VTI1A: variants seen among roughly 807,000 people sequenced by gnomAD.
VTI1A encodes vesicle transport through interaction with t-SNAREs homolog 1A.
In VTI1A, 22 loss-of-function variants were observed where a neutral mutation model predicts 34.9. The ratio of observed to expected loss-of-function variants is 0.63; its 90% CI spans 0.45 to 0.90. VTI1A has a LOEUF of 0.90. Among genes scored for constraint, VTI1A ranks in the 40% least tolerant of loss-of-function variants. VTI1A has a pLI of 0.00. For missense variants in VTI1A, 268 were observed against 275.6 expected (o/e 0.97, Z 0.20); for synonymous variants, 87 against 97.3 (o/e 0.89, Z 0.62).
At chr10:112,786,613 T>C (rs1277380366) in intron 7 of VTI1A, among the ~76,000 whole-genome samples, 1 of 152,186 alleles carries the variant, frequency 6.6e-6, no homozygotes, top group Non-Finnish European at 1.5e-5. Flanking sequence ...AAAAGTCTCC[T>C]TTTATTCCAA....
rs746161033 is a variant in VTI1A, at chr10:112,770,400, C to CT, written c.561-44877dup. Among the ~76,000 whole-genome samples the CT allele has an allele frequency of 3.5e-3, 500 of 143,956 alleles. 3 individuals are homozygous for CT. Among genetic ancestry groups the CT allele is most frequent in the Middle Eastern group, 3.6e-3 (1 of 278 alleles). 94.4% of individuals were successfully genotyped at this position (143,956 alleles called of 152,430 possible). On this transcript the variant is annotated intron_variant, in intron 7 of 7. Transcript: ENST00000393077. ...ATTAATTCCAAATGTTTTCTTTTTT[C>CT]TTTTTTTTTTTTTGAGACGGAGTCT...
At chr10:112,704,055 C>A (rs971707213) in intron 7 of VTI1A, among the ~76,000 whole-genome samples, 17 of 152,134 alleles carry the variant, frequency 1.1e-4, no homozygotes, top group Non-Finnish European at 2.1e-4. Context: ...TGTTATATCC[C>A]AGTCTTTTCT....
chr10:112,635,114 T>A (rs2134639638), intron 5 of VTI1A, among the ~76,000 whole-genome samples: 1 of 152,288 alleles, frequency 6.6e-6, no homozygotes, highest in East Asian at 1.9e-4. Context: ...GAGGTGCCTT[T>A]ATTCATAATA....
intron 7 of VTI1A, among the ~76,000 whole-genome samples, chr10:112,736,361 T>A (rs1850471783): frequency 6.6e-6 from 1 of 152,126 alleles, no homozygotes; most frequent in South Asian, 2.1e-4. Flanking sequence ...TCCTTGTCTA[T>A]CTTATTCACT....
In VTI1A at chr10:112,737,669, C is replaced by T. The variant is rs553096460; in HGVS notation, c.560+68671C>T. The T allele has an allele frequency of 2.2e-5, 23 of 1,054,360 alleles. No homozygotes were observed. In the African/African-American group the frequency reaches 3.5e-4, roughly 16 times the overall value. 65.3% of individuals were successfully genotyped at this position (1,054,360 alleles called of 1,614,324 possible). On this transcript the variant is annotated intron_variant, in intron 7 of 7. Transcript: ENST00000393077. ...GTACCTCAAAAATAGAACAAGAGCACTCCATCCATGTGCGGATGACTGTCA... is the reference window on the plus strand; with the variant it reads ...GTACCTCAAAAATAGAACAAGAGCATTCCATCCATGTGCGGATGACTGTCA...
chr10:112,463,751 A>G (rs1847808153), intron 2 of VTI1A, among the ~76,000 whole-genome samples: 1 of 152,246 alleles, frequency 6.6e-6, no homozygotes, highest in African/African-American at 2.4e-5. Flanking sequence ...GAAGGTAAAG[A>G]TCACATGTTG....
chr10:112,763,660 C>T (rs989308766), intron 7 of VTI1A, among the ~76,000 whole-genome samples: 3 of 152,142 alleles, frequency 2.0e-5, no homozygotes, highest in Non-Finnish European at 4.4e-5. Flanking sequence ...TGTGAGACTT[C>T]GTAGCCCTGT....
At chr10:112,463,280 G>A (rs1000500250) in intron 2 of VTI1A, among the ~76,000 whole-genome samples, 5 of 152,132 alleles carry the variant, frequency 3.3e-5, no homozygotes, top group African/African-American at 1.2e-4. Context: ...ATCTTGTATA[G>A]TGCTTGCTGT....
intron 5 of VTI1A, 123 bp from the exon 6 acceptor site, chr10:112,668,095 T>C: frequency 1.5e-6 from 1 of 658,850 alleles, no homozygotes; most frequent in Non-Finnish European, 2.7e-6. Flanking sequence ...TGAATTGAAA[T>C]ATGTGTCTGA....
At chr10:112,621,966 G>T (rs941721074) in intron 5 of VTI1A, among the ~76,000 whole-genome samples, 33 of 152,284 alleles carry the variant, frequency 2.2e-4, no homozygotes, top group Admixed American at 3.3e-4. Context: ...TACTAAATGA[G>T]AGTATTCCTC....
chr10:112,764,037 A>G (rs1851569807), intron 7 of VTI1A, among the ~76,000 whole-genome samples: 1 of 152,212 alleles, frequency 6.6e-6, no homozygotes, highest in South Asian at 2.1e-4. Flanking sequence ...AAATAGTTGC[A>G]ATCATGCCTG....
intron 7 of VTI1A, among the ~76,000 whole-genome samples, chr10:112,775,745 C>T (rs1851939472): frequency 6.6e-6 from 1 of 152,054 alleles, no homozygotes; most frequent in Non-Finnish European, 1.5e-5. Context: ...AAATTTATAT[C>T]GAGTAATTGA....
intron 7 of VTI1A, among the ~76,000 whole-genome samples, chr10:112,775,362 A>G (rs1851931253): frequency 6.6e-6 from 1 of 152,196 alleles, no homozygotes; most frequent in Non-Finnish European, 1.5e-5. Flanking sequence ...AGTTTAATTC[A>G]ATGTGTCTTA....
chr10:112,507,535 C>A (rs1849472580), intron 3 of VTI1A, among the ~76,000 whole-genome samples: 1 of 152,158 alleles, frequency 6.6e-6, no homozygotes, highest in Non-Finnish European at 1.5e-5. Context: ...GATAGGTTTC[C>A]ATCAGCTTTT....
chr10:112,618,489 TTATATATATATATA>T (rs1209916722), intron 5 of VTI1A, among the ~76,000 whole-genome samples: 7 of 74,362 alleles, frequency 9.4e-5, no homozygotes, highest in Admixed American at 2.5e-4. Context: ...AATGATTATA[TTATATATATATATA>T]TATATATATA....
At chr10:112,659,429 T>C (rs1219557942) in intron 5 of VTI1A, among the ~76,000 whole-genome samples, 1 of 152,186 alleles carries the variant, frequency 6.6e-6, no homozygotes, top group Non-Finnish European at 1.5e-5. Context: ...ACAACCTCAA[T>C]TTACATAGTA....
chr10:112,447,868 G>T (rs902793863), intron 1 of VTI1A, among the ~76,000 whole-genome samples: 3 of 152,130 alleles, frequency 2.0e-5, no homozygotes, highest in African/African-American at 7.2e-5. Flanking sequence ...TAATAATATT[G>T]TTATAATTAT....
At chr10:112,572,830 C>A (rs1407624199) in intron 5 of VTI1A, among the ~76,000 whole-genome samples, 1 of 126,776 alleles carries the variant, frequency 7.9e-6, no homozygotes, top group Non-Finnish European at 1.7e-5. Context: ...CAGAGCGAGA[C>A]TCCGTCTCAA....
At chr10:112,824,615 G>A in the VTI1A span, 2 of 152,384 alleles carry the variant, frequency 1.3e-5, no homozygotes, top group African/African-American at 2.4e-5. Context: ...GCTGGAATGC[G>A]GCCACAGCCA....
Sources: gnomAD v4.1 joint callset for allele counts (sites outside exome capture counted in the v4.1 genomes callset) on GRCh38, gnomAD v4.1.1 for gene constraint, MANE v1.5 for transcripts, NCBI Gene and HGNC (gene_info 2026-07-23, HGNC 2026-07-21) for gene names.